The following RBFOX1 variants were observed in gnomAD, a reference collection of about 807,000 sequenced individuals.
The protein encoded by RBFOX1 is RNA binding protein fox-1 homolog 1.
In RBFOX1, 8 loss-of-function variants were observed where a neutral mutation model predicts 57.7. The observed-to-expected ratio is 0.14, with a 90% CI of 0.08 to 0.25. RBFOX1 has a LOEUF of 0.25. Ranked by LOEUF, RBFOX1 falls within the 10% of genes least tolerant of loss-of-function variation. RBFOX1 has a pLI of 1.00. For synonymous variants in RBFOX1, 326 were observed against 222.4 expected (o/e 1.47, Z -4.15); for missense variants, 611 against 548.5 (o/e 1.11, Z -1.14).
At chr16:7,052,016 G>A (rs1223450026) in intron 3 of RBFOX1, 41 bp from the exon 4 acceptor site, 2 of 1,584,784 alleles carry the variant, frequency 1.3e-6, no homozygotes, top group South Asian at 1.1e-5. Context: ...TTCTGATCCG[G>A]AGCCTTCTGA....
chr16:6,624,441 G>A (rs1170937139), intron 2 of RBFOX1, among the ~76,000 whole-genome samples: 1 of 152,156 alleles, frequency 6.6e-6, no homozygotes, highest in African/African-American at 2.4e-5. Flanking sequence ...AATGAGTGGG[G>A]ATGGTGAATC....
chr16:5,356,007 C>T (rs2151326303), intron 1 of RBFOX1, among the ~76,000 whole-genome samples: 1 of 152,298 alleles, frequency 6.6e-6, no homozygotes, highest in Admixed American at 6.5e-5. Context: ...ATGAGAATTG[C>T]TTTAACCCGG....
At chr16:7,281,754 T>C (rs1046994376) in intron 4 of RBFOX1, among the ~76,000 whole-genome samples, 1 of 152,170 alleles carries the variant, frequency 6.6e-6, no homozygotes, top group Non-Finnish European at 1.5e-5. Flanking sequence ...ATTTATAGTT[T>C]GCTTGAGTTT....
chr16:7,174,082 C>A (rs1026891438), intron 4 of RBFOX1, among the ~76,000 whole-genome samples: 1 of 152,136 alleles, frequency 6.6e-6, no homozygotes, highest in Admixed American at 6.5e-5. Context: ...GTGATTTAAG[C>A]TCTAGATTTG....
intron 3 of RBFOX1, among the ~76,000 whole-genome samples, chr16:6,723,598 T>G (rs931906154): frequency 6.6e-6 from 1 of 152,202 alleles, no homozygotes; most frequent in African/African-American, 2.4e-5. Flanking sequence ...GGGGATATCT[T>G]GAGTGAGCCC....
chr16:6,018,896 G>T (rs2095018458), upstream of RBFOX1, among the ~76,000 whole-genome samples: 1 of 151,932 alleles, frequency 6.6e-6, no homozygotes, highest in Non-Finnish European at 1.5e-5. Context: ...TCCCCTTTAG[G>T]CCAGGAGACC....
chr16:6,560,518 C>T (rs190504164), intron 2 of RBFOX1, among the ~76,000 whole-genome samples: 1 of 151,930 alleles, frequency 6.6e-6, no homozygotes, highest in Admixed American at 6.6e-5. Flanking sequence ...GTTCAAGAGA[C>T]AATAGAAGGG....
At chr16:5,904,872 G>T (rs1189152415) in intron 4 of RBFOX1, among the ~76,000 whole-genome samples, 1 of 150,822 alleles carries the variant, frequency 6.6e-6, no homozygotes, top group African/African-American at 2.4e-5. Flanking sequence ...AGCTACTCGG[G>T]AGGCTGAGGC....
chr16:6,226,203 C>CAAAAAAAAAAAA (rs543386716), intron 1 of RBFOX1, among the ~76,000 whole-genome samples: 1 of 99,978 alleles, frequency 1.0e-5, no homozygotes, highest in Admixed American at 1.1e-4. Flanking sequence ...ACTAAAAATA[C>CAAAAAAAAAAAA]AAAAAAAAAA....
chr16:6,093,396 C>T (rs1567438279), intron 1 of RBFOX1, among the ~76,000 whole-genome samples: 2 of 151,852 alleles, frequency 1.3e-5, no homozygotes, highest in African/African-American at 2.4e-5. Flanking sequence ...TATAGTGAGA[C>T]GCCATCTCTT....
intron 1 of RBFOX1, among the ~76,000 whole-genome samples, chr16:5,249,396 AAG>A (rs1160694349): frequency 6.6e-6 from 1 of 151,980 alleles, no homozygotes; most frequent in Non-Finnish European, 1.5e-5. Flanking sequence ...TCTGGGGAGG[AAG>A]ACTCTGTGGC....
At chr16:6,837,012 C>A (rs1036263224) in intron 3 of RBFOX1, among the ~76,000 whole-genome samples, 4 of 152,084 alleles carry the variant, frequency 2.6e-5, no homozygotes, top group African/African-American at 7.2e-5. Flanking sequence ...CACGGATGAA[C>A]ACACCTATTT....
chr16:5,991,452 G>A (rs1170751003), intron 4 of RBFOX1, among the ~76,000 whole-genome samples: 1 of 152,122 alleles, frequency 6.6e-6, no homozygotes, highest in East Asian at 1.9e-4. Flanking sequence ...GCTGGGGAAT[G>A]GCAATTAGCC....
At chr16:5,302,268 T>G (rs2063824235) in intron 1 of RBFOX1, among the ~76,000 whole-genome samples, 1 of 152,222 alleles carries the variant, frequency 6.6e-6, no homozygotes, top group Admixed American at 6.5e-5. Context: ...TAGTGACTTT[T>G]AATTAAATAC....
chr16:7,639,413 A>G (rs1168611060), intron 11 of RBFOX1, among the ~76,000 whole-genome samples: 2 of 152,078 alleles, frequency 1.3e-5, no homozygotes, highest in Non-Finnish European at 2.9e-5. Flanking sequence ...TCTCAGAGAT[A>G]ATTCCTTCTA....
intron 4 of RBFOX1, among the ~76,000 whole-genome samples, chr16:7,080,919 T>C (rs1259029025): frequency 1.3e-5 from 2 of 152,202 alleles, no homozygotes; most frequent in Non-Finnish European, 2.9e-5. Flanking sequence ...CAGTTTCTCA[T>C]TGCTTGTGGA....
At chr16:7,267,471 G>A (rs1048217524) in intron 4 of RBFOX1, among the ~76,000 whole-genome samples, 3 of 152,176 alleles carry the variant, frequency 2.0e-5, no homozygotes, top group African/African-American at 4.8e-5. Flanking sequence ...AGTAGGTGGA[G>A]GTTGCAGCGA....
At chr16:6,888,292 G>T (rs2064602892) in intron 3 of RBFOX1, among the ~76,000 whole-genome samples, 1 of 152,198 alleles carries the variant, frequency 6.6e-6, no homozygotes, top group Non-Finnish European at 1.5e-5. Context: ...GACAGCTTAA[G>T]TCCTGCTCTT....
At chr16:7,608,839 A>G (rs865961765) in intron 10 of RBFOX1, among the ~76,000 whole-genome samples, 5 of 152,230 alleles carry the variant, frequency 3.3e-5, no homozygotes, top group South Asian at 4.1e-4. Flanking sequence ...TAATCTCTTT[A>G]CCAGGAAGGC....
Sources: gnomAD v4.1 joint callset for allele counts (sites outside exome capture counted in the v4.1 genomes callset) on GRCh38, gnomAD v4.1.1 for gene constraint, MANE v1.5 for transcripts, NCBI Gene and HGNC (gene_info 2026-07-23, HGNC 2026-07-21) for gene names.